PMFBP1: variants seen among roughly 807,000 people sequenced by gnomAD.
PMFBP1 encodes polyamine-modulated factor 1-binding protein 1.
A neutral mutation model predicts 137.8 loss-of-function variants in PMFBP1; 131 were observed. The ratio of observed to expected loss-of-function variants is 0.95; its 90% confidence interval spans 0.82 to 1.10. The LOEUF (loss-of-function observed/expected upper bound fraction) is 1.10, where lower values mean the gene tolerates loss of function less well. Among genes scored for constraint, PMFBP1 ranks in the 50% least tolerant of loss-of-function variants. The pLI is 0.00. For synonymous variants in PMFBP1, 490 were observed against 450.4 expected (o/e 1.09, Z -1.11); for missense variants, 1,199 against 1,175.4 (o/e 1.02, Z -0.29).
intron 7 of PMFBP1, among the ~76,000 whole-genome samples, chr16:72,137,265 C>G (rs1169424149): frequency 6.6e-6 from 1 of 152,148 alleles, no homozygotes; most frequent in Non-Finnish European, 1.5e-5. Context: ...GGGTGCTGGG[C>G]ATGGCTCCAT....
the PMFBP1 span, among the ~76,000 whole-genome samples, chr16:72,205,987 C>T: frequency 3.3e-5 from 5 of 152,080 alleles, no homozygotes; most frequent in Non-Finnish European, 5.9e-5. Context: ...AGAAAGAAAC[C>T]TCACTGCTTT....
At chr16:72,130,126 A>T in intron 12 of PMFBP1, 87 bp downstream of exon 12, 1 of 1,553,794 alleles carries the variant, frequency 6.4e-7, no homozygotes, top group Non-Finnish European at 8.7e-7. Flanking sequence ...AAGAGCTGAG[A>T]TTACAGGTGT....
chr16:72,131,356 A>G (rs1047623048), intron 10 of PMFBP1, among the ~76,000 whole-genome samples: 2 of 152,324 alleles, frequency 1.3e-5, no homozygotes, highest in African/African-American at 4.8e-5. Flanking sequence ...TTGGAAGCCT[A>G]AGAGAAATGC....
At chr16:72,146,806 C>T (rs867371084) in intron 5 of PMFBP1, among the ~76,000 whole-genome samples, 48 of 152,226 alleles carry the variant, frequency 3.2e-4, no homozygotes, top group African/African-American at 1.1e-3. Context: ...ACCTAGGAAT[C>T]CAACTTACAA....
At chr16:72,140,265 T>C (rs777875683) in intron 6 of PMFBP1, 147 bp downstream of exon 6, 10 of 792,838 alleles carry the variant, frequency 1.3e-5, no homozygotes, top group Non-Finnish European at 2.0e-5. Context: ...ATGGAGAATA[T>C]GAACAAAGTT....
chr16:72,185,706 C>T, the PMFBP1 span, among the ~76,000 whole-genome samples: 1 of 152,164 alleles, frequency 6.6e-6, no homozygotes, highest in African/African-American at 2.4e-5. Context: ...TGTTCACCAT[C>T]TTATCTGAAG....
rs957493143 is a variant in PMFBP1 at position 72,150,505 on chromosome 16, G to A, written c.636+103C>T. 13 of 1,118,442 alleles carry A rather than the reference G, an allele frequency of 1.2e-5. No individual in the cohort carries two copies. The African/African-American group carries it at 2.0e-4, about 17-fold the overall frequency. The allele number at this position is 1,118,442 out of a possible 1,614,324, so 69.3% of individuals were successfully genotyped here. A position where few individuals can be genotyped will look rare whatever the true frequency, so the allele number is the denominator to read the frequency against. ...AATCAAGGGCAGGAAGTGACATCTGGGTAAAGGTTTGGGTTTCCAGTGGAG... is the reference window on the plus strand; with the variant it reads ...AATCAAGGGCAGGAAGTGACATCTGAGTAAAGGTTTGGGTTTCCAGTGGAG... On this transcript the variant is annotated intron_variant, in intron 5 of 20. Transcript: ENST00000237353.
At chr16:72,182,164 G>T in the PMFBP1 span, among the ~76,000 whole-genome samples, 5 of 152,052 alleles carry the variant, frequency 3.3e-5, no homozygotes, top group African/African-American at 1.2e-4. Flanking sequence ...CCTGGTCACC[G>T]GCATATCTCA....
the PMFBP1 span, among the ~76,000 whole-genome samples, chr16:72,206,959 G>A: frequency 2.6e-5 from 4 of 152,102 alleles, no homozygotes; most frequent in South Asian, 2.1e-4. Flanking sequence ...GAGTTGGAAG[G>A]AATACAAGCT....
chr16:72,116,916 G>C (rs1395506273), downstream of PMFBP1, among the ~76,000 whole-genome samples: 15 of 151,332 alleles, frequency 9.9e-5, no homozygotes, highest in Admixed American at 9.9e-4. Flanking sequence ...CTGTAGGTTT[G>C]TAGTAAGTTT....
chr16:72,150,576 G>T (rs375957600), intron 5 of PMFBP1, 32 bp downstream of exon 5: 16 of 1,599,448 alleles, frequency 1.0e-5, no homozygotes, highest in Admixed American at 6.7e-5. Context: ...ACATCCACTT[G>T]CCTGGATTGA....
In PMFBP1 at chr16:72,132,892, G is replaced by A. The variant is rs757580455; in HGVS notation, c.1303C>T (p.Gln435Ter). ...ATTTCAAGTTCTGTGGCCATGCACT[G>A]CTGCTTCTCCAGCTCCTTCTCCTTT... ...LKKEKELEKQ[Q>*]CMATELEMTV... is the part of the protein sequence containing the mutation. The change falls in exon 10 of 21, where the codon CAG becomes TAG. Residue 435 changes from glutamine (Q) to a stop codon, truncating the protein, a stop_gained. Coordinates refer to ENST00000237353, the MANE Select transcript of PMFBP1 (RefSeq NM_031293.3). LOFTEE classifies it high-confidence loss of function. The A allele has an allele frequency of 6.2e-7, 1 of 1,614,224 alleles. No individual in the cohort carries two copies. Among genetic ancestry groups the A allele is most frequent in the Admixed American group, 1.7e-5 (1 of 60,022 alleles).
At chr16:72,131,860 T>G (rs942643428) in intron 10 of PMFBP1, among the ~76,000 whole-genome samples, 1 of 152,172 alleles carries the variant, frequency 6.6e-6, no homozygotes, top group Non-Finnish European at 1.5e-5. Flanking sequence ...ACCCCACTTT[T>G]TATGAGACAG....
At chr16:72,120,292 A>T (rs752321073) in intron 19 of PMFBP1, 8 of 797,262 alleles carry the variant, frequency 1.0e-5, no homozygotes, top group Non-Finnish European at 1.6e-5. Context: ...GTCTGAGTGG[A>T]CCAGGAGCTG....
At chr16:72,169,798 A>G (rs1253537195) in intron 2 of PMFBP1, among the ~76,000 whole-genome samples, 1 of 152,166 alleles carries the variant, frequency 6.6e-6, no homozygotes, top group African/African-American at 2.4e-5. Context: ...CATGTATAAT[A>G]TAGAGATAAT....
At chr16:72,209,890 T>A in the PMFBP1 span, among the ~76,000 whole-genome samples, 54 of 152,342 alleles carry the variant, frequency 3.5e-4, no homozygotes, top group African/African-American at 1.3e-3. Context: ...CTTACCCTGC[T>A]TCAGCCTCTC....
chr16:72,216,884 AAGT>A, the PMFBP1 span, among the ~76,000 whole-genome samples: 5 of 152,180 alleles, frequency 3.3e-5, no homozygotes, highest in African/African-American at 1.2e-4. Context: ...GCTGCAGTAT[AAGT>A]AGTAGTGAAG....
chr16:72,130,969 C>T (rs2042541394), intron 10 of PMFBP1, among the ~76,000 whole-genome samples: 1 of 152,144 alleles, frequency 6.6e-6, no homozygotes, highest in Non-Finnish European at 1.5e-5. Context: ...AACTCCTGTG[C>T]GACTCATTCT....
At chr16:72,130,429 T>C in intron 11 of PMFBP1, 72 bp from the exon 12 acceptor site, 1 of 1,608,394 alleles carries the variant, frequency 6.2e-7, no homozygotes, top group Non-Finnish European at 8.5e-7. Flanking sequence ...GCTGACCCAA[T>C]GGGAAATCCT....
Sources: allele counts gnomAD v4.1 joint callset (sites outside exome capture counted in the v4.1 genomes callset), GRCh38; gene constraint gnomAD v4.1.1; transcripts MANE v1.5; gene names NCBI Gene and HGNC (gene_info 2026-07-23, HGNC 2026-07-21).